Variants in PCSK5 observed in about 807,000 individuals in gnomAD.
PCSK5 encodes proprotein convertase subtilisin/kexin type 5, also known as prohormone convertase 5.
PCSK5 carries 129 observed loss-of-function variants against 233.2 expected under a neutral mutation model. The observed-to-expected ratio is 0.55, with a 90% confidence interval of 0.48 to 0.64. The LOEUF (loss-of-function observed/expected upper bound fraction) is 0.64, where lower values mean the gene tolerates loss of function less well. Among genes scored for constraint, PCSK5 ranks in the 30% least tolerant of loss-of-function variants. PCSK5 has a pLI of 0.00. For missense variants in PCSK5, 2,076 were observed against 2,430.1 expected (o/e 0.85, Z 3.06); for synonymous variants, 825 against 879.2 (o/e 0.94, Z 1.09).
At chr9:75,896,761 G>T (rs1825825290) in intron 1 of PCSK5, among the ~76,000 whole-genome samples, 1 of 152,142 alleles carries the variant, frequency 6.6e-6, no homozygotes, top group South Asian at 2.1e-4. Flanking sequence ...AGATATGTAT[G>T]TGTGTAATAT....
At chr9:76,051,900 G>C (rs1587554092) in intron 5 of PCSK5, among the ~76,000 whole-genome samples, 2 of 152,310 alleles carry the variant, frequency 1.3e-5, no homozygotes, top group African/African-American at 4.8e-5. Context: ...CTCTGATAGA[G>C]TTAGAAAGCT....
chr9:76,145,004 A>G (rs1301627145), intron 10 of PCSK5, among the ~76,000 whole-genome samples: 1 of 152,132 alleles, frequency 6.6e-6, no homozygotes, highest in Non-Finnish European at 1.5e-5. Flanking sequence ...GGGTGCCTGT[A>G]ATCCCAGCTA....
At chr9:76,214,157 A>G (rs1324616179) in intron 20 of PCSK5, among the ~76,000 whole-genome samples, 2 of 152,182 alleles carry the variant, frequency 1.3e-5, no homozygotes, top group African/African-American at 4.8e-5. Context: ...AGCTGATTCT[A>G]TCCCACAAAG....
intron 1 of PCSK5, among the ~76,000 whole-genome samples, chr9:75,914,553 C>T (rs62555865): frequency 0.054 from 8,252 of 151,994 alleles, 328 homozygotes; most frequent in African/African-American, 0.1. Context: ...TGTCACCTGG[C>T]CCCCTCATTG....
intron 30 of PCSK5, among the ~76,000 whole-genome samples, chr9:76,318,484 GA>G (rs1169177387): frequency 6.6e-6 from 1 of 151,212 alleles, no homozygotes; most frequent in Non-Finnish European, 1.5e-5. Context: ...AAAGAAAAAA[GA>G]AAAAAAAGAA....
intron 24 of PCSK5, among the ~76,000 whole-genome samples, chr9:76,285,743 G>C (rs909437470): frequency 6.6e-6 from 1 of 151,782 alleles, no homozygotes; most frequent in Non-Finnish European, 1.5e-5. Context: ...ATGATAAAAG[G>C]CTATCCTTAA....
At chr9:75,935,137 G>A (rs186914761) in intron 2 of PCSK5, among the ~76,000 whole-genome samples, 75 of 152,092 alleles carry the variant, frequency 4.9e-4, no homozygotes, top group Admixed American at 4.6e-3. Context: ...GCACGATCTC[G>A]ACTCACTGCA....
chr9:76,354,034 G>T lies in PCSK5; in HGVS notation c.5069G>T (p.Gly1690Val). ...GAACCTCTTGATTGCTCTTAACAGG[G>T]AGAGAAGTTTAACTGTGAAAAATGC... ...CLVGEYRVGE[G>V]EKFNCEKCHE... Residue 1690 changes from glycine (G) to valine (V), a missense_variant and splice_region_variant, in exon 37 of 38, where the codon GGA becomes GTA. By Grantham distance (109) the Gly-to-Val change is moderately radical. This residue lies in a region of PCSK5 where 1,510 missense variants were observed against 1,538.1 expected (regional missense o/e 0.98). Coordinates refer to ENST00000674117, the MANE Select transcript of PCSK5 (RefSeq NM_001372043.1). The T allele has an allele frequency of 6.2e-7, 1 of 1,606,610 alleles. No homozygotes were observed. The highest frequency in any genetic ancestry group is 8.5e-7 in the Non-Finnish European group (1 of 1,176,788).
chr9:75,896,740 GAT>G (rs1292873894), intron 1 of PCSK5, among the ~76,000 whole-genome samples: 12 of 152,072 alleles, frequency 7.9e-5, no homozygotes, highest in African/African-American at 2.9e-4. Flanking sequence ...ACTTATATAT[GAT>G]ATATACACAG....
chr9:76,353,020 C>A (rs1401811905), intron 36 of PCSK5, among the ~76,000 whole-genome samples: 3 of 147,778 alleles, frequency 2.0e-5, no homozygotes, highest in African/African-American at 2.5e-5. Flanking sequence ...AAGCCCGTCT[C>A]AAAAAAAAAA....
intron 19 of PCSK5, 49 bp downstream of exon 19, chr9:76,189,272 T>G (rs1257071719): frequency 6.5e-7 from 1 of 1,541,662 alleles, no homozygotes; most frequent in Non-Finnish European, 8.9e-7. Context: ...TAAGTTCTTT[T>G]GATGACTATC....
intron 20 of PCSK5, among the ~76,000 whole-genome samples, chr9:76,206,742 G>A (rs907362902): frequency 1.1e-4 from 16 of 152,188 alleles, no homozygotes; most frequent in Admixed American, 2.6e-4. Flanking sequence ...AGCTAATAAT[G>A]GCAGAGCTCC....
intron 24 of PCSK5, among the ~76,000 whole-genome samples, chr9:76,252,266 G>A (rs1343298870): frequency 2.0e-5 from 3 of 151,924 alleles, no homozygotes; most frequent in East Asian, 1.9e-4. Flanking sequence ...GCGAGACTCC[G>A]TCTCAGAAAA....
intron 1 of PCSK5, among the ~76,000 whole-genome samples, chr9:75,908,438 C>A (rs1822505315): frequency 6.6e-6 from 1 of 152,206 alleles, no homozygotes; most frequent in Non-Finnish European, 1.5e-5. Context: ...CTTTGTCACT[C>A]TTATGTGGAT....
chr9:76,118,001 A>G (rs1398628051), intron 9 of PCSK5, among the ~76,000 whole-genome samples: 2 of 152,144 alleles, frequency 1.3e-5, no homozygotes, highest in African/African-American at 4.8e-5. Flanking sequence ...CGTATTAGTC[A>G]TGCTGAATTT....
intron 20 of PCSK5, among the ~76,000 whole-genome samples, chr9:76,198,864 G>A (rs1191791267): frequency 6.6e-6 from 1 of 152,196 alleles, no homozygotes; most frequent in Non-Finnish European, 1.5e-5. Flanking sequence ...ATTGTCAGGA[G>A]TCAAAGGAGC....
At chr9:75,949,043 A>G (rs1563931476) in intron 2 of PCSK5, among the ~76,000 whole-genome samples, 1 of 150,838 alleles carries the variant, frequency 6.6e-6, no homozygotes, top group African/African-American at 2.4e-5. Flanking sequence ...TAATGAATAT[A>G]TTTTAAGAAA....
chr9:75,891,341 G>A lies in PCSK5; in HGVS notation c.160G>A (p.Ala54Thr). 1 of 1,564,432 alleles carries A rather than the reference G, an allele frequency of 6.4e-7. No individual in the cohort carries two copies. Among genetic ancestry groups the A allele is most frequent in the Non-Finnish European group, 8.6e-7 (1 of 1,158,488 alleles). The stretch of plus-strand genomic sequence containing the variant: ...GGGCTTCCCGGAGGCCAACCGTATC[G>A]CCAGCAAGTACGGATTCATCAACAT... The part of the protein sequence containing the change: ...AGGFPEANRI[A>T]SKYGFINIGQ... The change falls in exon 1 of 38, where the codon GCC (alanine) becomes ACC (threonine). Residue 54 changes from alanine (A) to threonine (T), a missense_variant. Transcript: ENST00000674117.
At position 76,131,963 on chromosome 9, in the gene PCSK5, T is replaced by C. The variant is rs140068436; in HGVS notation, c.1209-2146T>C. Among the ~76,000 whole-genome samples, 360 of 152,258 alleles carry C rather than the reference T, an allele frequency of 2.4e-3. 1 individual carries two copies. The highest frequency in any genetic ancestry group is 6.3e-3 in the Admixed American group (96 of 15,280). On this transcript the variant is annotated intron_variant, in intron 9 of 37. Transcript: ENST00000674117. The stretch of plus-strand genomic sequence containing the variant: ...TCTTTGGTATCTCACTGTTTACTCA[T>C]GACAAAATAAAAACATTCATGTTCA...
Sources: allele counts gnomAD v4.1 joint callset (sites outside exome capture counted in the v4.1 genomes callset), GRCh38; gene constraint gnomAD v4.1.1; regional missense constraint gnomAD v4.1.1; transcripts MANE v1.5; gene names NCBI Gene and HGNC (gene_info 2026-07-23, HGNC 2026-07-21).